Variants in RORA observed in about 807,000 individuals in gnomAD.
RORA encodes the protein nuclear receptor ROR-alpha.
In RORA, 7 loss-of-function variants were observed where a neutral mutation model predicts 69.5. The observed-to-expected ratio is 0.10, with a 90% CI of 0.06 to 0.19. The LOEUF (loss-of-function observed/expected upper bound fraction) is 0.19, where lower values mean the gene tolerates loss of function less well. Among genes scored for constraint, RORA ranks in the 10% least tolerant of loss-of-function variants. RORA has a pLI of 1.00. For synonymous variants in RORA, 261 were observed against 240.8 expected, an observed-to-expected ratio of 1.08 and a Z score of -0.78; for missense variants, 457 against 663.0, an observed-to-expected ratio of 0.69 and a Z score of 3.41.
At chr15:60,819,780 CACA>C (rs2072869290) in intron 1 of RORA, among the ~76,000 whole-genome samples, 3 of 150,896 alleles carry the variant, frequency 2.0e-5, no homozygotes, top group African/African-American at 7.3e-5. Context: ...CACACACACA[CACA>C]CACACACACA....
chr15:60,762,036 T>C (rs986338444), intron 1 of RORA, among the ~76,000 whole-genome samples: 4 of 152,116 alleles, frequency 2.6e-5, no homozygotes, highest in African/African-American at 9.7e-5. Flanking sequence ...AAAACCCAGG[T>C]GTCTAAAACA....
chr15:60,976,254 G>A lies in RORA; in HGVS notation c.166+252799C>T, dbSNP rs570912142. 2.6e-4 allele frequency among the ~76,000 whole-genome samples: 40 copies of A among 152,270 alleles called. 1 individual carries two copies. The highest frequency in any genetic ancestry group is 1.9e-4 in the East Asian group (1 of 5,166). On this transcript the variant is annotated intron_variant, in intron 1 of 10. Transcript: ENST00000335670. ...CCTGTGGTGGAGCAAACAGCCCTGCGGGACTCAATGCGTGTAACCCTTGGA... is the reference window on the plus strand; with the variant it reads ...CCTGTGGTGGAGCAAACAGCCCTGCAGGACTCAATGCGTGTAACCCTTGGA...
At chr15:61,148,472 CG>C (rs2079370100) in intron 1 of RORA, among the ~76,000 whole-genome samples, 1 of 151,938 alleles carries the variant, frequency 6.6e-6, no homozygotes, top group African/African-American at 2.4e-5. Flanking sequence ...GGCATCACCC[CG>C]CTCACCATCA....
intron 1 of RORA, among the ~76,000 whole-genome samples, chr15:61,137,398 G>T (rs2079255816): frequency 6.6e-6 from 1 of 152,176 alleles, no homozygotes; most frequent in African/African-American, 2.4e-5. Flanking sequence ...ACTGCCTTTT[G>T]TGTTTTTGAA....
chr15:60,798,779 C>T (rs1389511228), intron 1 of RORA, among the ~76,000 whole-genome samples: 4 of 152,154 alleles, frequency 2.6e-5, no homozygotes, highest in African/African-American at 9.7e-5. Flanking sequence ...GGGTAAGTTA[C>T]TTCCCCTCTC....
intron 1 of RORA, among the ~76,000 whole-genome samples, chr15:61,154,975 T>A (rs981174381): frequency 1.3e-5 from 2 of 152,050 alleles, no homozygotes; most frequent in African/African-American, 4.8e-5. Flanking sequence ...CGGATCCAGA[T>A]GTTCGAAGAA....
intron 1 of RORA, among the ~76,000 whole-genome samples, chr15:60,946,532 G>A (rs1892882220): frequency 6.6e-6 from 1 of 152,230 alleles, no homozygotes; most frequent in South Asian, 2.1e-4. Context: ...GGCCTCCCGA[G>A]TTGCCGGGAT....
chr15:61,046,772 A>C (rs965651564), intron 1 of RORA, among the ~76,000 whole-genome samples: 2 of 152,206 alleles, frequency 1.3e-5, no homozygotes, highest in African/African-American at 4.8e-5. Context: ...AGAGGGAAAA[A>C]ACAGCCTTCA....
chr15:60,879,014 T>G (rs1344024701), intron 1 of RORA, among the ~76,000 whole-genome samples: 1 of 152,240 alleles, frequency 6.6e-6, no homozygotes, highest in Non-Finnish European at 1.5e-5. Context: ...AAGACCTCCA[T>G]GACCTTTCTA....
rs540574615 is a variant in RORA at position 60,957,836 on chromosome 15, A to G, written c.166+271217T>C. Among the ~76,000 whole-genome samples the G allele has an allele frequency of 2.6e-5, 4 of 152,266 alleles. No homozygotes were observed. In the East Asian group the frequency reaches 7.7e-4, roughly 29 times the overall value. On this transcript the variant is annotated intron_variant, in intron 1 of 10. Coordinates refer to ENST00000335670, the MANE Select transcript of RORA (RefSeq NM_134261.3). ...CTGCTACATTTTCTTCTCAAATATA[A>G]ATACTTGGTCCCCAAATATAATCAT...
rs950556804 is a variant in RORA, at chr15:60,863,247, C to T, written c.167-184561G>A. Among the ~76,000 whole-genome samples, 13 of 152,264 alleles carry T rather than the reference C, an allele frequency of 8.5e-5. No individual in the cohort carries two copies. The East Asian group carries it at 1.3e-3, about 16-fold the overall frequency. ...CTGGGCTTGCACATTAGTGTTCTGA[C>T]CTTTCAGGAACAAAACAATCACAAT... On this transcript the variant is annotated intron_variant, in intron 1 of 10. Transcript: ENST00000335670.
chr15:60,867,473 G>A (rs368498905), intron 1 of RORA, among the ~76,000 whole-genome samples: 9 of 152,264 alleles, frequency 5.9e-5, no homozygotes, highest in African/African-American at 1.7e-4. Context: ...GAAAAGAAAC[G>A]CACACATCAG....
chr15:60,705,413 A>G (rs1017021027), intron 1 of RORA, among the ~76,000 whole-genome samples: 2 of 152,252 alleles, frequency 1.3e-5, no homozygotes, highest in African/African-American at 4.8e-5. Context: ...CACCACAAGT[A>G]TGTGCATAAT....
intron 1 of RORA, among the ~76,000 whole-genome samples, chr15:61,113,544 G>A (rs1174430188): frequency 6.6e-6 from 1 of 152,166 alleles, no homozygotes; most frequent in East Asian, 1.9e-4. Context: ...CAAAAAGGCT[G>A]GAATGATACA....
At chr15:61,040,510 G>A (rs776014703) in intron 1 of RORA, among the ~76,000 whole-genome samples, 6 of 151,638 alleles carry the variant, frequency 4.0e-5, no homozygotes, top group Non-Finnish European at 5.9e-5. Flanking sequence ...ATTTCCTTCC[G>A]GGCTTTATTT....
At chr15:61,222,358 A>ACCT (rs2080105883) in intron 1 of RORA, among the ~76,000 whole-genome samples, 1 of 152,224 alleles carries the variant, frequency 6.6e-6, no homozygotes, top group Non-Finnish European at 1.5e-5. Flanking sequence ...GGCCATACAA[A>ACCT]TATGTTAGGA....
intron 1 of RORA, among the ~76,000 whole-genome samples, chr15:61,158,022 G>A (rs1475195343): frequency 1.3e-5 from 2 of 152,150 alleles, no homozygotes; most frequent in South Asian, 2.1e-4. Context: ...ATGAGAGGAC[G>A]TGCCAAAGCC....
intron 1 of RORA, among the ~76,000 whole-genome samples, chr15:61,221,707 G>T (rs569474273): frequency 2.0e-5 from 3 of 152,056 alleles, no homozygotes; most frequent in African/African-American, 7.2e-5. Context: ...ACCCTCCCCC[G>T]AAGTAAGCTA....
chr15:60,791,826 A>C (rs1178619318), intron 1 of RORA, among the ~76,000 whole-genome samples: 1 of 152,222 alleles, frequency 6.6e-6, no homozygotes, highest in African/African-American at 2.4e-5. Flanking sequence ...CTAAAGCAAA[A>C]ATTATTTTCA....
Sources: allele counts gnomAD v4.1 joint callset (sites outside exome capture counted in the v4.1 genomes callset), GRCh38; gene constraint gnomAD v4.1.1; transcripts MANE v1.5; gene names NCBI Gene and HGNC (gene_info 2026-07-23, HGNC 2026-07-21).